COL23A1: variants seen among roughly 807,000 people sequenced by gnomAD.
The protein encoded by COL23A1 is collagen alpha-1(XXIII) chain.
A neutral mutation model predicts 99.3 loss-of-function variants in COL23A1; 97 were observed. That is an observed-to-expected ratio of 0.98 (90% confidence interval 0.83 to 1.16). COL23A1 has a LOEUF of 1.16. Ranked by LOEUF, COL23A1 falls within the 50% of genes most tolerant of loss-of-function variation. The probability of loss-of-function intolerance (pLI) is 0.00; values close to 1 mark genes in which losing one functional copy is unlikely to be tolerated. For synonymous variants in COL23A1, 320 were observed against 308.2 expected, an observed-to-expected ratio of 1.04 and a Z score of -0.40; for missense variants, 762 against 757.4, an observed-to-expected ratio of 1.01 and a Z score of -0.07.
At chr5:178,580,805 A>G (rs914597818) in intron 1 of COL23A1, among the ~76,000 whole-genome samples, 1 of 152,200 alleles carries the variant, frequency 6.6e-6, no homozygotes, top group African/African-American at 2.4e-5. Context: ...GGGCTGCTTG[A>G]GTCCAGCAGT....
chr5:178,266,185 C>T (rs532997963), intron 8 of COL23A1, among the ~76,000 whole-genome samples: 95 of 152,140 alleles, frequency 6.2e-4, no homozygotes, highest in African/African-American at 2.0e-3. Flanking sequence ...GGACCACAGG[C>T]GCACACCTCC....
intron 2 of COL23A1, among the ~76,000 whole-genome samples, chr5:178,450,865 G>C (rs1023066305): frequency 6.6e-6 from 1 of 152,228 alleles, no homozygotes; most frequent in African/African-American, 2.4e-5. Flanking sequence ...ACTGCAGACA[G>C]AGCCAGGATA....
At position 178,281,759 on chromosome 5, in the gene COL23A1, C is replaced by T. The variant is rs928709364; in HGVS notation, c.441+6565G>A. Among the ~76,000 whole-genome samples the T allele has an allele frequency of 3.3e-5, 5 of 152,030 alleles. No individual in the cohort carries two copies. Among genetic ancestry groups the T allele is most frequent in the South Asian group, 2.1e-4 (1 of 4,816 alleles). ...TTAAAATTTTATTTTTTAAAACAGACGGGGATTCGGCCAGGATTGGCAGCT... is the reference window on the plus strand; with the variant it reads ...TTAAAATTTTATTTTTTAAAACAGATGGGGATTCGGCCAGGATTGGCAGCT... On this transcript the variant is annotated intron_variant, in intron 5 of 28. Transcript: ENST00000390654. This position sits in a 1 kb window ranked among gnomAD's most constrained non-coding sequence, Gnocchi z 4.0.
At chr5:178,278,521 C>G (rs765426462) in intron 5 of COL23A1, among the ~76,000 whole-genome samples, 1 of 152,232 alleles carries the variant, frequency 6.6e-6, no homozygotes, top group East Asian at 1.9e-4. Context: ...CAGGCCCTGC[C>G]GTTTTCTCTG....
At chr5:178,522,084 G>T (rs921005127) in intron 2 of COL23A1, among the ~76,000 whole-genome samples, 1 of 152,094 alleles carries the variant, frequency 6.6e-6, no homozygotes, top group African/African-American at 2.4e-5. Flanking sequence ...GCAAAGGAAG[G>T]ATTCTTCCAG....
chr5:178,474,099 C>A (rs1174274837), intron 2 of COL23A1, among the ~76,000 whole-genome samples: 1 of 152,160 alleles, frequency 6.6e-6, no homozygotes, highest in Non-Finnish European at 1.5e-5. Flanking sequence ...TTCTCCAGAG[C>A]AAGAGTTCTT....
chr5:178,490,034 G>A (rs1433951415), intron 2 of COL23A1, among the ~76,000 whole-genome samples: 2 of 151,988 alleles, frequency 1.3e-5, no homozygotes, highest in Non-Finnish European at 2.9e-5. Flanking sequence ...AGGAGTTTGA[G>A]ACCAGCCTGG....
chr5:178,548,485 C>T (rs1413431297), intron 2 of COL23A1, among the ~76,000 whole-genome samples: 2 of 152,106 alleles, frequency 1.3e-5, no homozygotes, highest in African/African-American at 2.4e-5. Context: ...CTTGCTCCCC[C>T]TCACTCAGTC....
intron 1 of COL23A1, among the ~76,000 whole-genome samples, chr5:178,569,167 G>A (rs903361434): frequency 8.5e-5 from 13 of 152,108 alleles, no homozygotes; most frequent in South Asian, 2.1e-4. Context: ...GATACTTTTC[G>A]TGTGTTTGTT....
At chr5:178,554,417 G>A (rs1381053706) in intron 2 of COL23A1, among the ~76,000 whole-genome samples, 1 of 152,136 alleles carries the variant, frequency 6.6e-6, no homozygotes, top group Non-Finnish European at 1.5e-5. Flanking sequence ...GACCTGAGGT[G>A]ATCTGCCCAC....
chr5:178,370,407 C>T (rs1012834427), intron 2 of COL23A1, among the ~76,000 whole-genome samples: 5 of 152,026 alleles, frequency 3.3e-5, no homozygotes, highest in African/African-American at 1.2e-4. Flanking sequence ...TGAAATAAGC[C>T]AGGCACAGAA....
At chr5:178,448,088 G>A (rs559158822) in intron 2 of COL23A1, among the ~76,000 whole-genome samples, 3 of 152,322 alleles carry the variant, frequency 2.0e-5, no homozygotes, top group Non-Finnish European at 2.9e-5. Context: ...CTCTCCCCTC[G>A]TGAACGGGAT....
intron 1 of COL23A1, among the ~76,000 whole-genome samples, chr5:178,585,517 T>TTGACGCTGGAGTAACACTCCACAG (rs1562114847): frequency 3.3e-4 from 3 of 9,208 alleles, no homozygotes; most frequent in African/African-American, 6.6e-4. Flanking sequence ...ACACTCCACG[T>TTGACGCTGGAGTAACACTCCACAG]CCCTGGATGA....
chr5:178,257,073 G>C (rs1384376285), intron 13 of COL23A1, 145 bp from the exon 14 acceptor site: 2 of 716,382 alleles, frequency 2.8e-6, no homozygotes, highest in Non-Finnish European at 4.7e-6. Flanking sequence ...GGTGTGGGCG[G>C]ATGGACCTCA....
chr5:178,240,865 G>T (rs1561778792), intron 27 of COL23A1, among the ~76,000 whole-genome samples: 1 of 152,326 alleles, frequency 6.6e-6, no homozygotes, highest in African/African-American at 2.4e-5. Flanking sequence ...GTTTTAGTAC[G>T]AAAACCCAGC....
At chr5:178,523,193 T>TACATATATATATATATATACAC (rs1562051752) in intron 2 of COL23A1, among the ~76,000 whole-genome samples, 7 of 79,996 alleles carry the variant, frequency 8.8e-5, no homozygotes, top group Admixed American at 3.4e-4. Flanking sequence ...TATATATATA[T>TACATATATATATATATATACAC]ATATATATAG....
At chr5:178,314,015 C>T (rs752526024) in intron 2 of COL23A1, among the ~76,000 whole-genome samples, 1 of 152,082 alleles carries the variant, frequency 6.6e-6, no homozygotes, top group Non-Finnish European at 1.5e-5. Context: ...ACAAAGCCCT[C>T]TGTCCCTTGG....
intron 2 of COL23A1, among the ~76,000 whole-genome samples, chr5:178,346,213 T>TATTA (rs1760961499): frequency 6.6e-6 from 1 of 152,092 alleles, no homozygotes; most frequent in African/African-American, 2.4e-5. Context: ...TTTATTTATT[T>TATTA]ATTATTTATT....
At chr5:178,543,141 C>T (rs1322793453) in intron 2 of COL23A1, among the ~76,000 whole-genome samples, 1 of 151,234 alleles carries the variant, frequency 6.6e-6, no homozygotes, top group East Asian at 1.9e-4. Flanking sequence ...GAGTTTCGCG[C>T]TTGTCGCCCA....
Sources: gnomAD v4.1 joint callset for allele counts (sites outside exome capture counted in the v4.1 genomes callset) on GRCh38, gnomAD v4.1.1 for gene constraint, Gnocchi (gnomAD v3.1) non-coding constraint, MANE v1.5 for transcripts, NCBI Gene and HGNC (gene_info 2026-07-23, HGNC 2026-07-21) for gene names.